DNAH10: variants seen among roughly 807,000 people sequenced by gnomAD.
DNAH10 encodes axonemal beta dynein heavy chain 10.
In DNAH10, 348 loss-of-function variants were observed where a neutral mutation model predicts 506.6. The ratio of observed to expected loss-of-function variants is 0.69; its 90% CI spans 0.63 to 0.75. DNAH10 has a LOEUF of 0.75. DNAH10 is among the 30% of genes least tolerant of loss of function. The probability of loss-of-function intolerance (pLI) is 0.00; values close to 1 mark genes in which losing one functional copy is unlikely to be tolerated. For synonymous variants in DNAH10, 2,059 were observed against 2,198.6 expected (o/e 0.94, Z 1.78); for missense variants, 5,179 against 5,787.1 (o/e 0.89, Z 3.41).
At chr12:123,932,977 G>A (rs1463550509) in intron 76 of DNAH10, among the ~76,000 whole-genome samples, 1 of 152,150 alleles carries the variant, frequency 6.6e-6, no homozygotes, top group Admixed American at 6.5e-5. Context: ...TCTTGACTTT[G>A]CTTACGGTAT....
rs1019938034 is a variant in DNAH10 at position 123,909,186 on chromosome 12, T to C, written c.9816-75T>C. ...GACTGTCTTTTGGTTGAGCTCGTTTTTCTGGAGCTCTCTTTCAGGCCAGAT... is the reference window on the plus strand; with the variant it reads ...GACTGTCTTTTGGTTGAGCTCGTTTCTCTGGAGCTCTCTTTCAGGCCAGAT... On this transcript the variant is annotated intron_variant, in intron 57 of 78. Coordinates refer to ENST00000673944, the MANE Select transcript of DNAH10 (RefSeq NM_001372106.1). The surrounding 1 kb of genome is among the most constrained non-coding windows in gnomAD (Gnocchi z 5.4). 1 of 1,552,038 alleles carries C rather than the reference T, an allele frequency of 6.4e-7. No homozygotes were observed. The highest frequency in any genetic ancestry group is 8.7e-7 in the Non-Finnish European group (1 of 1,146,230).
At chr12:123,848,593 C>A in intron 33 of DNAH10, 137 bp from the exon 34 acceptor site, 1 of 1,240,110 alleles carries the variant, frequency 8.1e-7, no homozygotes, top group Non-Finnish European at 1.1e-6. Context: ...ATCCACTAGT[C>A]AAGTGGCTGG....
intron 55 of DNAH10, 93 bp from the exon 56 acceptor site, chr12:123,898,560 T>C (rs1300369839): frequency 7.2e-7 from 1 of 1,394,742 alleles, no homozygotes; most frequent in Non-Finnish European, 9.4e-7. Context: ...TGTTTTGTTT[T>C]GTTTTTGATA....
Position 123,820,616 on chromosome 12 carries a change from C to A in DNAH10, c.4037C>A (p.Ala1346Glu). 6.2e-7 allele frequency: 1 copy of A among 1,613,872 alleles called. No homozygotes were observed. The change falls in exon 24 of 79, where the codon GCA becomes GAA. Residue 1346 changes from alanine to glutamate, a missense_variant. Ala to Glu is a moderately radical substitution (Grantham distance 107). Around this residue, in one of 3 missense-constraint regions of DNAH10, gnomAD observed 4,844 missense variants for 5,430.5 expected, o/e 0.89. Coordinates refer to ENST00000673944, the MANE Select transcript of DNAH10 (RefSeq NM_001372106.1). ...TTAGGTGTTTATGAAAGAGAGCTGG[C>A]AAGACATGAAAAGAGCCGTCAGGAA... ...ELLGVYEREL[A>E]RHEKSRQELA... is the part of the protein sequence containing the mutation.
At chr12:123,795,344 C>T (rs970043769) in intron 12 of DNAH10, among the ~76,000 whole-genome samples, 18 of 152,202 alleles carry the variant, frequency 1.2e-4, no homozygotes, top group Admixed American at 1.2e-3. Flanking sequence ...CAGATTTATT[C>T]TCTTATGGTA....
intron 52 of DNAH10, 35 bp downstream of exon 52, chr12:123,887,348 C>A (rs1193532854): frequency 1.8e-5 from 29 of 1,599,442 alleles, no homozygotes; most frequent in Non-Finnish European, 2.4e-5. Flanking sequence ...GTGGCCAACA[C>A]CCCGCTCAGC....
chr12:123,769,169 G>A (rs966514097), intron 2 of DNAH10, among the ~76,000 whole-genome samples: 2 of 152,004 alleles, frequency 1.3e-5, no homozygotes, highest in Non-Finnish European at 2.9e-5. Flanking sequence ...TTTTGGAGAC[G>A]AAGTGTTGCT....
At chr12:123,813,074 G>T in intron 19 of DNAH10, 90 bp from the exon 20 acceptor site, 1 of 871,170 alleles carries the variant, frequency 1.1e-6, no homozygotes, top group South Asian at 1.9e-5. Flanking sequence ...TTCCATTACT[G>T]GCAAGACTTA....
Position 123,793,910 on chromosome 12 carries a change from G to A in DNAH10, c.1816-32G>A. ...TTATTTTGGCAGGATAATTACAGGG[G>A]CATGAGGGTTGTTTTGTTGATTTTT... On this transcript the variant is annotated intron_variant, in intron 11 of 78. Transcript: ENST00000673944. 2.6e-6 allele frequency: 3 copies of A among 1,173,642 alleles called. No homozygotes were observed. In the African/African-American group the frequency reaches 4.8e-5, roughly 19 times the overall value. 72.7% of individuals were successfully genotyped at this position (1,173,642 alleles called of 1,614,324 possible).
In DNAH10 at chr12:123,893,444, C is replaced by T. The variant is rs1190099479; in HGVS notation, c.9199+8C>T. 20 of 1,611,966 alleles carry T rather than the reference C, an allele frequency of 1.2e-5. 1 individual carries two copies. The highest frequency in any genetic ancestry group is 1.7e-5 in the Admixed American group (1 of 60,008). Reference sequence around the variant, plus strand: ...GGTGCAGAAACTTCCCAGGTACCCGCGGTGGAGCCTGTGAACCCATTTCCC... The same window carrying T: ...GGTGCAGAAACTTCCCAGGTACCCGTGGTGGAGCCTGTGAACCCATTTCCC... On this transcript the variant is annotated splice_region_variant and intron_variant, in intron 53 of 78. Coordinates refer to ENST00000673944, the MANE Select transcript of DNAH10 (RefSeq NM_001372106.1).
intron 5 of DNAH10, among the ~76,000 whole-genome samples, chr12:123,774,723 C>T (rs908338506): frequency 1.3e-5 from 2 of 152,238 alleles, no homozygotes; most frequent in African/African-American, 4.8e-5. Context: ...TGGCTTTCAG[C>T]GGTTTTCCAC....
chr12:123,925,124 G>C lies in DNAH10; in HGVS notation c.11841G>C (p.Lys3947Asn). The stretch of plus-strand genomic sequence containing the variant: ...ATAACAACATCACCCCTTTCCAGAA[G>C]TTGCTTATTTTGCGCTGTTTCCGTG... ...GYDNNITPFQ[K>N]LLILRCFRVD... The change falls in exon 68 of 79, where the codon AAG (lysine) becomes AAC (asparagine). Residue 3947 changes from lysine (K) to asparagine (N), a missense_variant. By Grantham distance (94) the Lys-to-Asn change is moderately conservative. Around this residue, in one of 3 missense-constraint regions of DNAH10, gnomAD observed 4,844 missense variants for 5,430.5 expected, o/e 0.89. Coordinates refer to ENST00000673944, the MANE Select transcript of DNAH10 (RefSeq NM_001372106.1). This position sits in a 1 kb window ranked among gnomAD's most constrained non-coding sequence, Gnocchi z 4.0. 6.2e-7 allele frequency: 1 copy of C among 1,614,014 alleles called. No individual in the cohort carries two copies. Among genetic ancestry groups the C allele is most frequent in the East Asian group, 2.2e-5 (1 of 44,890 alleles).
rs763476287 is a variant in DNAH10, at chr12:123,861,225, A to C, written c.6908+55A>C. On this transcript the variant is annotated intron_variant, in intron 39 of 78. Coordinates refer to ENST00000673944, the MANE Select transcript of DNAH10 (RefSeq NM_001372106.1). Reference sequence around the variant, plus strand: ...TGGGTTAGTTAATGTTAATTAGCTCAACATTAAAAACGGTGGCAGGACTAT... The same window carrying C: ...TGGGTTAGTTAATGTTAATTAGCTCCACATTAAAAACGGTGGCAGGACTAT... 1.9e-6 allele frequency: 3 copies of C among 1,581,260 alleles called. No homozygotes were observed. The Admixed American group carries it at 5.5e-5, about 29-fold the overall frequency.
At chr12:123,886,480 CGT>C (rs60439290) in intron 51 of DNAH10, among the ~76,000 whole-genome samples, 10 of 151,628 alleles carry the variant, frequency 6.6e-5, no homozygotes, top group African/African-American at 1.2e-4. Flanking sequence ...CGCGCGCGCG[CGT>C]GTGTGTGCAC....
At position 123,871,416 on chromosome 12, in the gene DNAH10, T is replaced by C. The variant is rs534506224; in HGVS notation, c.7640-41T>C. On this transcript the variant is annotated intron_variant, in intron 44 of 78. Transcript: ENST00000673944. ...ATGTTGCCCCCAGTGCTCACCCTATTGGAGTTGCTGAGATGCCCCTGTTCC... is the reference window on the plus strand; with the variant it reads ...ATGTTGCCCCCAGTGCTCACCCTATCGGAGTTGCTGAGATGCCCCTGTTCC... 3.6e-5 allele frequency: 57 copies of C among 1,571,092 alleles called. 1 individual carries two copies. The South Asian group carries it at 6.5e-4, about 18-fold the overall frequency.
rs749916143 is a variant in DNAH10 at position 123,820,607 on chromosome 12, G to C, written c.4028G>C (p.Arg1343Thr). ...KGVELLGVYE[R>T]ELARHEKSRQ... is the part of the protein sequence containing the mutation. ...GTAGAGCTTTTAGGTGTTTATGAAA[G>C]AGAGCTGGCAAGACATGAAAAGAGC... The change falls in exon 24 of 79, where the codon AGA becomes ACA. Residue 1343 changes from arginine to threonine, a missense_variant. Physicochemically the swap from Arg to Thr is moderately conservative, Grantham distance 71 (BLOSUM62 -1). Around this residue, in one of 3 missense-constraint regions of DNAH10, gnomAD observed 4,844 missense variants for 5,430.5 expected, o/e 0.89. Transcript: ENST00000673944. 6.0e-5 allele frequency: 97 copies of C among 1,613,826 alleles called. No homozygotes were observed. Among genetic ancestry groups the C allele is most frequent in the Non-Finnish European group, 8.0e-5 (94 of 1,179,892 alleles).
At chr12:123,912,502 G>A (rs1253318551) in intron 59 of DNAH10, among the ~76,000 whole-genome samples, 3 of 146,486 alleles carry the variant, frequency 2.0e-5, no homozygotes, top group Non-Finnish European at 4.5e-5. Flanking sequence ...GGGGGGGTCT[G>A]TCCTGGGCAC....
rs1763426105 is a variant in DNAH10, at chr12:123,851,044, A to G, written c.6259A>G (p.Met2087Val). 1 of 1,611,990 alleles carries G rather than the reference A, an allele frequency of 6.2e-7. No individual in the cohort carries two copies. Among genetic ancestry groups the G allele is most frequent in the South Asian group, 1.1e-5 (1 of 90,914 alleles). Reference sequence around the variant, plus strand: ...CGACCTGCAGCAGATCTGTGAGATCATGCTCTTCTCTGAGGGCTTCCTGGA... The same window carrying G: ...CGACCTGCAGCAGATCTGTGAGATCGTGCTCTTCTCTGAGGGCTTCCTGGA... Reference protein sequence around the residue: ...VPDLQQICEIMLFSEGFLEAK... With the variant: ...VPDLQQICEIVLFSEGFLEAK... Residue 2087 changes from methionine to valine, a missense_variant, in exon 35 of 79, where the codon ATG (methionine) becomes GTG (valine). Met to Val is a conservative substitution (Grantham distance 21). This residue lies in a region of DNAH10 where 4,844 missense variants were observed against 5,430.5 expected (regional missense o/e 0.89). Coordinates refer to ENST00000673944, the MANE Select transcript of DNAH10 (RefSeq NM_001372106.1).
chr12:123,849,063 A>G (rs766487908), intron 34 of DNAH10, among the ~76,000 whole-genome samples, 181 bp downstream of exon 34: 1 of 152,188 alleles, frequency 6.6e-6, no homozygotes, highest in African/African-American at 2.4e-5. Context: ...CATTGATGAT[A>G]AGGTTTGTAA....
Sources: gnomAD v4.1 joint callset for allele counts (sites outside exome capture counted in the v4.1 genomes callset) on GRCh38, gnomAD v4.1.1 for gene constraint, gnomAD v4.1.1 regional missense constraint, Gnocchi (gnomAD v3.1) non-coding constraint, MANE v1.5 for transcripts, NCBI Gene and HGNC (gene_info 2026-07-23, HGNC 2026-07-21) for gene names.